Variants in RPAP1 observed in about 807,000 individuals in gnomAD.
The protein encoded by RPAP1 is RNA polymerase II associated protein 1.
RPAP1 carries 109 observed loss-of-function variants against 142.4 expected under a neutral mutation model. That is an observed-to-expected ratio of 0.77 (90% CI 0.66 to 0.90). RPAP1 has a LOEUF of 0.90. Ranked by LOEUF, RPAP1 falls within the 40% of genes least tolerant of loss-of-function variation. The pLI is 0.00. For missense variants in RPAP1, 1,546 were observed against 1,751.7 expected (o/e 0.88, Z 2.10); for synonymous variants, 704 against 738.9 (o/e 0.95, Z 0.77).
At chr15:41,537,663 C>T (rs1005709499) in intron 1 of RPAP1, among the ~76,000 whole-genome samples, 3 of 151,834 alleles carry the variant, frequency 2.0e-5, no homozygotes, top group African/African-American at 4.8e-5. Flanking sequence ...GGGTGGGTCA[C>T]CTGAGGCCAG....
chr15:41,521,277 C>T (rs567717241), intron 21 of RPAP1, 130 bp from the exon 22 acceptor site: 15 of 884,154 alleles, frequency 1.7e-5, no homozygotes, highest in African/African-American at 8.3e-5. Context: ...AACTACTTCC[C>T]GCGCAGTGCT....
chr15:41,526,399 A>C (rs2051790968), intron 14 of RPAP1, among the ~76,000 whole-genome samples: 1 of 152,204 alleles, frequency 6.6e-6, no homozygotes, highest in African/African-American at 2.4e-5. Context: ...GTCATGTGCT[A>C]CCACATCTAG....
At chr15:41,530,109 G>A in intron 7 of RPAP1, 130 bp from the exon 8 acceptor site, 2 of 706,526 alleles carry the variant, frequency 2.8e-6, no homozygotes, top group East Asian at 2.8e-5. Flanking sequence ...CCTCGGTTAT[G>A]GCTAAATGGC....
intron 22 of RPAP1, 27 bp from the exon 23 acceptor site, chr15:41,518,209 G>A: frequency 1.6e-5 from 24 of 1,542,520 alleles, no homozygotes; most frequent in Non-Finnish European, 2.0e-5. Context: ...GACGTGCTGA[G>A]GGGGAGGGTA....
At chr15:41,541,251 T>C (rs2140793960) in intron 1 of RPAP1, among the ~76,000 whole-genome samples, 1 of 151,782 alleles carries the variant, frequency 6.6e-6, no homozygotes, top group South Asian at 2.1e-4. Context: ...TGAAACCCCA[T>C]CTCTACTAAA....
chr15:41,537,883 CAA>C (rs34270949), intron 1 of RPAP1, among the ~76,000 whole-genome samples: 86 of 131,564 alleles, frequency 6.5e-4, no homozygotes, highest in East Asian at 1.5e-3. Context: ...AACTCCGTCT[CAA>C]AAAAAAAAAA....
intron 14 of RPAP1, among the ~76,000 whole-genome samples, chr15:41,526,030 C>T (rs1458611148): frequency 1.3e-5 from 2 of 151,834 alleles, no homozygotes; most frequent in Admixed American, 1.3e-4. Flanking sequence ...GCTCACTCCA[C>T]CCTCCATCTC....
chr15:41,540,037 AAATAAT>A (rs1256062836), intron 1 of RPAP1, among the ~76,000 whole-genome samples: 1 of 152,100 alleles, frequency 6.6e-6, no homozygotes, highest in African/African-American at 2.4e-5. Flanking sequence ...CGTCTCAAAA[AAATAAT>A]AATAATAAAA....
chr15:41,532,683 T>C (rs2140779613), intron 6 of RPAP1, among the ~76,000 whole-genome samples: 1 of 151,970 alleles, frequency 6.6e-6, no homozygotes, highest in Admixed American at 6.6e-5. Flanking sequence ...GGTTAAAAAG[T>C]AGGGCCTCGG....
rs756868373 is a variant in RPAP1 at position 41,526,954 on chromosome 15, C to T, written c.1861G>A (p.Ala621Thr). 8 of 1,614,034 alleles carry T rather than the reference C, an allele frequency of 5.0e-6. No homozygotes were observed. In the Admixed American group the frequency reaches 1.3e-4, roughly 27 times the overall value. ...PSLYKVPCAT[A>T]MKLLRVLASA... is the part of the protein sequence containing the mutation. ...GCCAGGACACGAAGTAGTTTCATGG[C>T]AGTAGCACAGGGTACTTTGTATAGA... The change falls in exon 14 of 25, where the codon GCC (alanine) becomes ACC (threonine). Residue 621 changes from alanine (A) to threonine (T), a missense_variant. Physicochemically the swap from Ala to Thr is moderately conservative, Grantham distance 58. Transcript: ENST00000304330.
rs1389553371 is a variant in RPAP1, at chr15:41,521,062, C to T, written c.3124G>A (p.Gly1042Arg). The change falls in exon 22 of 25, where the codon GGG becomes AGG. Residue 1042 changes from glycine (G) to arginine (R), a missense_variant. Physicochemically the swap from Gly to Arg is moderately radical, Grantham distance 125. Around this residue, in one of 3 missense-constraint regions of RPAP1, gnomAD observed 1,333 missense variants for 1,486.6 expected, o/e 0.90. Transcript: ENST00000304330. The part of the protein sequence containing the change: ...GSSRVPRCGQ[G>R]TLLAQACQDL... ...TGGCAGGCCTGAGCCAGCAGAGTCC[C>T]TTGCCCACACCGAGGGACCCTGCTG... 6.4e-7 allele frequency: 1 copy of T among 1,563,328 alleles called. No individual in the cohort carries two copies. Among genetic ancestry groups the T allele is most frequent in the Non-Finnish European group, 8.7e-7 (1 of 1,156,010 alleles).
intron 1 of RPAP1, among the ~76,000 whole-genome samples, chr15:41,540,920 A>G (rs957139686): frequency 2.6e-5 from 4 of 152,138 alleles, no homozygotes; most frequent in African/African-American, 7.2e-5. Flanking sequence ...TGTCCTGCGC[A>G]CTGTAGGATG....
chr15:41,520,480 G>A lies in RPAP1; in HGVS notation c.3706C>T (p.Leu1236=), dbSNP rs749658884. ...AAGGTGACACTGAACCGACGCTGCA[G>A]GGGCAGGAGGACCAGGGCCCCAAAG... ...HLFGALVLLP[L]QRRFSVTLRL... Residue 1236 remains leucine, a synonymous_variant, in exon 22 of 25, where the codon CTG becomes TTG. Coordinates refer to ENST00000304330, the MANE Select transcript of RPAP1 (RefSeq NM_015540.4). 1 of 1,614,206 alleles carries A rather than the reference G, an allele frequency of 6.2e-7. No individual in the cohort carries two copies. Among genetic ancestry groups the A allele is most frequent in the Non-Finnish European group, 8.5e-7 (1 of 1,180,024 alleles).
chr15:41,538,136 G>A (rs1212813948), intron 1 of RPAP1, among the ~76,000 whole-genome samples: 2 of 152,064 alleles, frequency 1.3e-5, no homozygotes, highest in African/African-American at 2.4e-5. Flanking sequence ...CCAGCTACTC[G>A]GGAGGCTGAG....
intron 8 of RPAP1, 116 bp from the exon 9 acceptor site, chr15:41,529,684 G>C (rs2051828546): frequency 1.1e-6 from 1 of 902,128 alleles, no homozygotes; most frequent in Non-Finnish European, 1.7e-6. Context: ...ACTTCTACCA[G>C]AAATGGGGCT....
Position 41,527,991 on chromosome 15 carries a change from T to C in RPAP1, c.1297A>G (p.Ser433Gly). 1 of 1,614,022 alleles carries C rather than the reference T, an allele frequency of 6.2e-7. No homozygotes were observed. The highest frequency in any genetic ancestry group is 1.1e-5 in the South Asian group (1 of 91,068). Residue 433 changes from serine to glycine, a missense_variant, in exon 11 of 25, where the codon AGT becomes GGT. Ser to Gly is a moderately conservative substitution (Grantham distance 56). This residue lies in a region of RPAP1 where 1,333 missense variants were observed against 1,486.6 expected (regional missense o/e 0.90). Coordinates refer to ENST00000304330, the MANE Select transcript of RPAP1 (RefSeq NM_015540.4). ...AGEFGDRLAG[S>G]VLSLLLDAGF... ...GCATCCAAAAGGAGGCTTAAGACAC[T>C]GCCTGCTAGCCGGTCCCCAAACTCA...
At chr15:41,535,699 T>C (rs997152292) in intron 4 of RPAP1, 67 bp from the exon 5 acceptor site, 1 of 1,570,766 alleles carries the variant, frequency 6.4e-7, no homozygotes, top group Non-Finnish European at 8.6e-7. Context: ...AACCTCTTTA[T>C]ATCAAGGCCT....
intron 18 of RPAP1, 98 bp from the exon 19 acceptor site, chr15:41,523,058 G>A (rs2051747195): frequency 9.3e-7 from 1 of 1,078,458 alleles, no homozygotes; most frequent in Non-Finnish European, 1.3e-6. Context: ...CGGGGGGCCT[G>A]GCTGTGGAGG....
At chr15:41,519,031 C>T (rs757694278) in intron 22 of RPAP1, among the ~76,000 whole-genome samples, 7 of 152,058 alleles carry the variant, frequency 4.6e-5, no homozygotes, top group Non-Finnish European at 7.4e-5. Context: ...ACTGGGTCTA[C>T]GGGCAAATCA....
Sources: allele counts gnomAD v4.1 joint callset (sites outside exome capture counted in the v4.1 genomes callset), GRCh38; gene constraint gnomAD v4.1.1; regional missense constraint gnomAD v4.1.1; transcripts MANE v1.5; gene names NCBI Gene and HGNC (gene_info 2026-07-23, HGNC 2026-07-21).